The following AHRR variants were observed in gnomAD, a reference collection of about 807,000 sequenced individuals.
AHRR encodes aryl hydrocarbon receptor repressor.
Under a neutral mutation model 44.0 loss-of-function variants are expected in AHRR, and 28 were observed. The ratio of observed to expected loss-of-function variants is 0.64; its 90% confidence interval spans 0.47 to 0.87. The LOEUF (loss-of-function observed/expected upper bound fraction) is 0.87. AHRR is among the 40% of genes least tolerant of loss of function. The pLI, the probability that AHRR is intolerant of heterozygous loss-of-function variation, is 0.00. For synonymous variants in AHRR, 434 were observed against 407.0 expected (o/e 1.07, Z -0.80); for missense variants, 990 against 953.9 (o/e 1.04, Z -0.50).
intron 7 of AHRR, chr5:427,514 T>A: frequency 8.3e-7 from 1 of 1,201,638 alleles, no homozygotes; most frequent in African/African-American, 1.5e-5. Context: ...GCGCATGGGG[T>A]GGCACACATG....
intron 2 of AHRR, among the ~76,000 whole-genome samples, chr5:352,757 G>T (rs556867442): frequency 6.6e-6 from 1 of 151,344 alleles, no homozygotes; most frequent in South Asian, 2.1e-4. Context: ...TGGGTCAGCT[G>T]TAGGGGATGG....
chr5:368,576 G>A (rs1560894429), intron 3 of AHRR, among the ~76,000 whole-genome samples: 1 of 152,372 alleles, frequency 6.6e-6, no homozygotes, highest in East Asian at 1.9e-4. Context: ...AAGAGAATAT[G>A]GATTTGCAAT....
intron 2 of AHRR, among the ~76,000 whole-genome samples, chr5:344,980 T>G (rs1393395770): frequency 1.3e-4 from 8 of 63,262 alleles, no homozygotes; most frequent in Admixed American, 1.5e-4. Flanking sequence ...CTGTGTGGGG[T>G]GTGTGTGAGG....
At chr5:412,572 T>A (rs1167619826) in intron 4 of AHRR, among the ~76,000 whole-genome samples, 1 of 152,140 alleles carries the variant, frequency 6.6e-6, no homozygotes, top group African/African-American at 2.4e-5. Flanking sequence ...TATTAAAAAG[T>A]CATGATCAAA....
chr5:412,013 A>C (rs1363973122), intron 4 of AHRR, among the ~76,000 whole-genome samples: 3 of 152,154 alleles, frequency 2.0e-5, no homozygotes, highest in Non-Finnish European at 4.4e-5. Flanking sequence ...CTCACCGGTG[A>C]TGGCCCCGGG....
rs114163144 is a variant in AHRR, at chr5:343,409, C to T, written c.-10-484C>T. On this transcript the variant is annotated intron_variant, in intron 1 of 10. Coordinates refer to ENST00000684583, the MANE Select transcript of AHRR (RefSeq NM_001377236.1). Reference sequence around the variant, plus strand: ...TACCCTCTTGGGGGTGACGGGAACACGGGACCCCACATACCTTCTCGGGGG... The same window carrying T: ...TACCCTCTTGGGGGTGACGGGAACATGGGACCCCACATACCTTCTCGGGGG... 6.3e-3 allele frequency: 1,091 copies of T among 172,086 alleles called. 32 individuals carry two copies. Among genetic ancestry groups the T allele is most frequent in the African/African-American group, 0.025 (1,028 of 41,162 alleles). The allele number at this position is 172,086 out of a possible 1,614,324, so 10.7% of individuals were successfully genotyped here. A position where few individuals can be genotyped will look rare whatever the true frequency, so the allele number is the denominator to read the frequency against.
chr5:421,080 A>G (rs1218887402), intron 5 of AHRR: 1 of 539,260 alleles, frequency 1.9e-6, no homozygotes, highest in Non-Finnish European at 3.3e-6. Context: ...ATAAAGAGGG[A>G]AAAGGACAAA....
chr5:398,291 G>A (rs1313301017), intron 4 of AHRR, among the ~76,000 whole-genome samples: 6 of 145,150 alleles, frequency 4.1e-5, no homozygotes, highest in Non-Finnish European at 6.0e-5. Context: ...CTGACCATCC[G>A]TGTTAGCCCC....
chr5:402,998 G>A (rs779871560), intron 4 of AHRR, among the ~76,000 whole-genome samples: 4 of 152,262 alleles, frequency 2.6e-5, no homozygotes, highest in East Asian at 1.9e-4. Flanking sequence ...GGAACTCATC[G>A]AAACAGAGAG....
Position 343,185 on chromosome 5 carries a change from A to C in AHRR, c.-10-708A>C, listed in dbSNP as rs1011535826. 2.0e-5 allele frequency among the ~76,000 whole-genome samples: 3 copies of C among 151,184 alleles called. No homozygotes were observed. The East Asian group carries it at 5.8e-4, about 29-fold the overall frequency. On this transcript the variant is annotated intron_variant, in intron 1 of 10. Coordinates refer to ENST00000684583, the MANE Select transcript of AHRR (RefSeq NM_001377236.1). ...GCCCCGTGTGTCCTCTCGGAGTGAC[A>C]GGAACATGGGACCTGAGTACCCTCT...
intron 2 of AHRR, among the ~76,000 whole-genome samples, chr5:353,091 T>C (rs113299384): frequency 1.3e-5 from 2 of 152,158 alleles, no homozygotes; most frequent in Non-Finnish European, 2.9e-5. Context: ...AGAGCAGGCC[T>C]GCTCTGGCTT....
chr5:332,565 C>A (rs1408329996), intron 1 of AHRR, among the ~76,000 whole-genome samples: 1 of 152,040 alleles, frequency 6.6e-6, no homozygotes, highest in African/African-American at 2.4e-5. Context: ...TGCACCTGGC[C>A]AATACTTGTT....
intron 5 of AHRR, among the ~76,000 whole-genome samples, chr5:421,733 G>A (rs575490132): frequency 6.6e-6 from 1 of 152,324 alleles, no homozygotes; most frequent in Admixed American, 6.5e-5. Flanking sequence ...TTTAGTGAGG[G>A]CCACCTCCTC....
chr5:332,745 C>G (rs924071032), intron 1 of AHRR, among the ~76,000 whole-genome samples: 1 of 152,110 alleles, frequency 6.6e-6, no homozygotes, highest in African/African-American at 2.4e-5. Flanking sequence ...GCTGATCTGT[C>G]TAATGCCATG....
chr5:389,621 C>T (rs546198092), intron 4 of AHRR, among the ~76,000 whole-genome samples: 6 of 151,838 alleles, frequency 4.0e-5, no homozygotes, highest in African/African-American at 1.2e-4. Context: ...CCCTGGACAC[C>T]GAGCCCGGGC....
At chr5:376,896 CT>C (rs922361813) in intron 4 of AHRR, among the ~76,000 whole-genome samples, 180 bp downstream of exon 4, 53 of 152,256 alleles carry the variant, frequency 3.5e-4, no homozygotes, top group African/African-American at 1.3e-3. Flanking sequence ...AAGGGTGTCC[CT>C]GGGTCGGGGT....
In AHRR at chr5:434,256, C is replaced by T; in HGVS notation, c.1516C>T (p.Pro506Ser). The change falls in exon 11 of 11, where the codon CCC (proline) becomes TCC (serine). Residue 506 changes from proline (P) to serine (S), a missense_variant. Transcript: ENST00000684583. The stretch of plus-strand genomic sequence containing the variant: ...TCAGCGTTTTGCCACGAGGGGCTAT[C>T]CCATGGAGGACATGAAGCTGCAAGG... ...GAQRFATRGY[P>S]MEDMKLQGVP... is the part of the protein sequence containing the mutation. 1.9e-6 allele frequency: 3 copies of T among 1,600,994 alleles called. No individual in the cohort carries two copies. Among genetic ancestry groups the T allele is most frequent in the East Asian group, 2.2e-5 (1 of 44,752 alleles).
intron 1 of AHRR, among the ~76,000 whole-genome samples, chr5:329,463 C>T (rs1741839643): frequency 6.6e-6 from 1 of 152,174 alleles, no homozygotes; most frequent in South Asian, 2.1e-4. Context: ...GCTTTGGCCT[C>T]CCAAAGTGCT....
At chr5:401,331 G>A (rs1331492071) in intron 4 of AHRR, among the ~76,000 whole-genome samples, 40 of 152,198 alleles carry the variant, frequency 2.6e-4, no homozygotes, top group Non-Finnish European at 5.6e-4. Flanking sequence ...GATGGGAGCC[G>A]CTGTAGAGAA....
Sources: gnomAD v4.1 joint callset for allele counts (sites outside exome capture counted in the v4.1 genomes callset) on GRCh38, gnomAD v4.1.1 for gene constraint, MANE v1.5 for transcripts, NCBI Gene and HGNC (gene_info 2026-07-23, HGNC 2026-07-21) for gene names.